Variants in CD5L observed in about 807,000 individuals in gnomAD.
CD5L encodes the protein CD5 molecule like.
In CD5L, 39 loss-of-function variants were observed where a neutral mutation model predicts 40.8. That is an observed-to-expected ratio of 0.96 (90% CI 0.74 to 1.25). The LOEUF (loss-of-function observed/expected upper bound fraction) is 1.25. Among genes scored for constraint, CD5L ranks in the 50% most tolerant of loss-of-function variants. The pLI, the probability that CD5L is intolerant of heterozygous loss-of-function variation, is 0.00. For synonymous variants in CD5L, 192 were observed against 169.6 expected (o/e 1.13, Z -1.03); for missense variants, 433 against 435.9 (o/e 0.99, Z 0.06).
rs775872188 is a variant in CD5L at position 157,841,739 on chromosome 1, G to T, written c.-38C>A. ...TGAAGGTGATGAGCTGAAATTTAAG[G>T]CTAGAAGGAGGTCCCCAAGCAGCAA... is the stretch of plus-strand genomic sequence containing the variant. On this transcript the variant is annotated 5_prime_UTR_variant, in exon 1 of 6. Transcript: ENST00000368174. 6.3e-7 allele frequency: 1 copy of T among 1,596,618 alleles called. No homozygotes were observed. The highest frequency in any genetic ancestry group is 2.2e-5 in the East Asian group (1 of 44,794).
chr1:157,837,463 G>A (rs1385915849), intron 2 of CD5L, among the ~76,000 whole-genome samples: 1 of 152,208 alleles, frequency 6.6e-6, no homozygotes, highest in Non-Finnish European at 1.5e-5. Context: ...GCCTCCTGCA[G>A]CCTCAGAGCA....
downstream of CD5L, among the ~76,000 whole-genome samples, chr1:157,828,212 A>G (rs1655955219): frequency 1.3e-5 from 2 of 152,170 alleles, no homozygotes; most frequent in South Asian, 4.1e-4. Flanking sequence ...CTCAGAAGGG[A>G]GAACCTCTAG....
Position 157,830,981 on chromosome 1 carries a change from C to G in CD5L, c.*983G>C, listed in dbSNP as rs1477678084. On this transcript the variant is annotated 3_prime_UTR_variant, in exon 6 of 6. Coordinates refer to ENST00000368174, the MANE Select transcript of CD5L (RefSeq NM_005894.3). ...TAAATGTAGCCGTATAATAAGTACT[C>G]AGCCTAGCCTCAGAATCTAAAGTTG... 1.0e-6 allele frequency: 1 copy of G among 985,194 alleles called. No individual in the cohort carries two copies. The highest frequency in any genetic ancestry group is 1.7e-5 in the African/African-American group (1 of 57,212). 61.0% of individuals were successfully genotyped at this position (985,194 alleles called of 1,614,324 possible).
intron 3 of CD5L, among the ~76,000 whole-genome samples, chr1:157,834,964 T>C (rs576895593): frequency 5.3e-5 from 8 of 152,260 alleles, no homozygotes; most frequent in Non-Finnish European, 1.0e-4. Context: ...TTATCATTTC[T>C]GTAGCATTTT....
intron 2 of CD5L, among the ~76,000 whole-genome samples, chr1:157,836,544 C>A (rs1272599832): frequency 6.6e-6 from 1 of 152,172 alleles, no homozygotes; most frequent in African/African-American, 2.4e-5. Context: ...GGAAAATCAT[C>A]CTCATGAAAG....
At chr1:157,827,263 G>GGT (rs1165362017), downstream of CD5L, among the ~76,000 whole-genome samples, 518 of 117,082 alleles carry the variant, frequency 4.4e-3, 5 homozygotes, top group African/African-American at 0.016. Context: ...CAGGACAAAT[G>GGT]GTGTATGTGT....
intron 2 of CD5L, among the ~76,000 whole-genome samples, chr1:157,837,051 G>A (rs1012564147): frequency 8.5e-5 from 13 of 152,100 alleles, no homozygotes; most frequent in African/African-American, 2.9e-4. Flanking sequence ...GAGGTCAAGA[G>A]TTTAAGACCA....
intron 3 of CD5L, 133 bp downstream of exon 3, chr1:157,835,702 A>G: frequency 1.4e-6 from 1 of 702,966 alleles, no homozygotes; most frequent in Non-Finnish European, 2.4e-6. Flanking sequence ...ACAGTTGGGA[A>G]AGTATGAGAT....
chr1:157,829,675 C>T (rs966834851), downstream of CD5L, among the ~76,000 whole-genome samples: 1 of 151,842 alleles, frequency 6.6e-6, no homozygotes, highest in Admixed American at 6.6e-5. Context: ...AGCTACTCAG[C>T]CTTATAAAAA....
intron 1 of CD5L, among the ~76,000 whole-genome samples, chr1:157,839,752 G>A (rs41531346): frequency 3.0e-3 from 452 of 152,338 alleles, no homozygotes; most frequent in African/African-American, 1.0e-2. Context: ...TGGCTCAACA[G>A]GAAAGAGTGC....
rs182221086 is a variant in CD5L at position 157,835,989 on chromosome 1, A to C, written c.222T>G (p.Pro74=). The C allele has an allele frequency of 9.3e-6, 15 of 1,614,178 alleles. No individual in the cohort carries two copies. The East Asian group carries it at 2.7e-4, about 29-fold the overall frequency. ...ELGCGAASGT[P]SGILYEPPAE... ...CTGGTGGCTCATACAAAATACCACT[A>C]GGGGTTCCGCTGGCAGCTCCACAGC... is the stretch of plus-strand genomic sequence containing the variant. Residue 74 remains proline, a synonymous_variant, in exon 3 of 6, where the codon CCT becomes CCG. Transcript: ENST00000368174.
intron 2 of CD5L, among the ~76,000 whole-genome samples, chr1:157,836,868 A>T (rs992479954): frequency 6.6e-6 from 1 of 152,200 alleles, no homozygotes; most frequent in Non-Finnish European, 1.5e-5. Flanking sequence ...AATTCCAGGG[A>T]CTAGAAGCAT....
chr1:157,827,224 C>G (rs1655922693), downstream of CD5L, among the ~76,000 whole-genome samples: 1 of 151,580 alleles, frequency 6.6e-6, no homozygotes, highest in Non-Finnish European at 1.5e-5. Context: ...GTACCAAAAT[C>G]TGTATTTTGT....
At chr1:157,834,064 C>T (rs1294072953) in intron 4 of CD5L, among the ~76,000 whole-genome samples, 6 of 152,094 alleles carry the variant, frequency 3.9e-5, no homozygotes, top group East Asian at 1.9e-4. Flanking sequence ...TTCACTTCCC[C>T]GTCTATTTTA....
downstream of CD5L, among the ~76,000 whole-genome samples, chr1:157,828,549 A>G (rs1655962729): frequency 1.3e-5 from 2 of 152,160 alleles, no homozygotes; most frequent in South Asian, 4.1e-4. Context: ...GTAGATAAAT[A>G]CTTCAGCTTA....
chr1:157,838,682 C>T (rs1449681589), intron 2 of CD5L, among the ~76,000 whole-genome samples: 1 of 152,056 alleles, frequency 6.6e-6, no homozygotes, highest in Non-Finnish European at 1.5e-5. Flanking sequence ...ATCTGAATGT[C>T]AAGATGAGAA....
At chr1:157,841,337 TC>T (rs1271330883) in intron 1 of CD5L, among the ~76,000 whole-genome samples, 1 of 152,250 alleles carries the variant, frequency 6.6e-6, no homozygotes, top group Non-Finnish European at 1.5e-5. Context: ...CTACTTCCTT[TC>T]CTGGCTCTAC....
chr1:157,839,441 C>T, intron 1 of CD5L, 31 bp from the exon 2 acceptor site: 1 of 1,610,262 alleles, frequency 6.2e-7, no homozygotes, highest in Non-Finnish European at 8.5e-7. Flanking sequence ...TGAGTGAGGT[C>T]AATTTCCAAG....
rs1656151910 is a variant in CD5L at position 157,834,728 on chromosome 1, G to A, written c.397C>T (p.Pro133Ser). The A allele has an allele frequency of 6.2e-7, 1 of 1,613,268 alleles. No individual in the cohort carries two copies. The highest frequency in any genetic ancestry group is 8.5e-7 in the Non-Finnish European group (1 of 1,179,400). Residue 133 changes from proline to serine, a missense_variant, in exon 4 of 6, where the codon CCA (proline) becomes TCA (serine). Coordinates refer to ENST00000368174, the MANE Select transcript of CD5L (RefSeq NM_005894.3). ...GCCAGCCTGACACCCTCTGGGACTG[G>A]GGAGAAAGAGCTCTCTGGGTCTGAG... ...SCENPESSFSPVPEGVRLADG... is the reference protein window; with the variant it reads ...SCENPESSFSSVPEGVRLADG...
Sources: allele counts gnomAD v4.1 joint callset (sites outside exome capture counted in the v4.1 genomes callset), GRCh38; gene constraint gnomAD v4.1.1; transcripts MANE v1.5; gene names NCBI Gene and HGNC (gene_info 2026-07-23, HGNC 2026-07-21).